Variants in FBXO42 observed in about 807,000 individuals in gnomAD.
FBXO42 encodes F-box protein 42.
Under a neutral mutation model 71.7 loss-of-function variants are expected in FBXO42, and 12 were observed. The ratio of observed to expected loss-of-function variants is 0.17; its 90% CI spans 0.11 to 0.27. The LOEUF is 0.27. FBXO42 is among the 10% of genes least tolerant of loss of function. FBXO42 has a pLI of 1.00. For missense variants in FBXO42, 707 were observed against 911.9 expected (o/e 0.78, Z 2.89); for synonymous variants, 325 against 327.5 (o/e 0.99, Z 0.08).
intron 4 of FBXO42, among the ~76,000 whole-genome samples, chr1:16,280,888 C>T (rs1339807420): frequency 1.3e-5 from 2 of 152,188 alleles, no homozygotes; most frequent in African/African-American, 4.8e-5. Context: ...CCATCACTTA[C>T]TGGCTATGTG....
chr1:16,303,636 C>T (rs1014938191), intron 3 of FBXO42, among the ~76,000 whole-genome samples: 3 of 151,468 alleles, frequency 2.0e-5, no homozygotes, highest in Admixed American at 6.6e-5. Context: ...GGCATGATCT[C>T]GACTCACTGC....
intron 4 of FBXO42, among the ~76,000 whole-genome samples, chr1:16,268,019 C>T (rs2081797081): frequency 6.6e-6 from 1 of 152,068 alleles, no homozygotes; most frequent in Non-Finnish European, 1.5e-5. Context: ...AGTAATAGTT[C>T]CTTGTTACCA....
intron 4 of FBXO42, among the ~76,000 whole-genome samples, chr1:16,287,593 T>C (rs544074943): frequency 2.0e-4 from 31 of 152,154 alleles, no homozygotes; most frequent in Non-Finnish European, 4.3e-4. Flanking sequence ...GAGTCATTTA[T>C]TTTTTATTAT....
intron 4 of FBXO42, among the ~76,000 whole-genome samples, chr1:16,276,051 C>T (rs1569846023): frequency 6.6e-6 from 1 of 151,968 alleles, no homozygotes; most frequent in Non-Finnish European, 1.5e-5. Context: ...CAGCTCTTAC[C>T]CACCTAGGAA....
At chr1:16,278,186 A>T (rs1242237238) in intron 4 of FBXO42, among the ~76,000 whole-genome samples, 1 of 151,678 alleles carries the variant, frequency 6.6e-6, no homozygotes, top group Non-Finnish European at 1.5e-5. Context: ...GAGAAACTCC[A>T]TCTCAACTAA....
At chr1:16,310,417 G>A (rs2082301569) in intron 2 of FBXO42, among the ~76,000 whole-genome samples, 3 of 151,924 alleles carry the variant, frequency 2.0e-5, no homozygotes, top group African/African-American at 4.8e-5. Context: ...TGTAGTGCCA[G>A]CTATTTGGGA....
intron 3 of FBXO42, among the ~76,000 whole-genome samples, chr1:16,297,788 A>T (rs1569879023): frequency 6.7e-6 from 1 of 148,388 alleles, no homozygotes; most frequent in African/African-American, 2.5e-5. Flanking sequence ...ACTGGCATGA[A>T]CCCGGGAGGC....
chr1:16,281,088 G>A lies in FBXO42; in HGVS notation c.502+13695C>T, dbSNP rs188415804. ...AGCAATTCTCCTGCCTCAGCCTCCCGAGTAGCTGGGATTACAGGCATGCAC... is the reference window on the plus strand; with the variant it reads ...AGCAATTCTCCTGCCTCAGCCTCCCAAGTAGCTGGGATTACAGGCATGCAC... On this transcript the variant is annotated intron_variant, in intron 4 of 9. Coordinates refer to ENST00000375592, the MANE Select transcript of FBXO42 (RefSeq NM_018994.3). Among the ~76,000 whole-genome samples, 12 of 152,178 alleles carry A rather than the reference G, an allele frequency of 7.9e-5. No individual in the cohort carries two copies. In the East Asian group the frequency reaches 1.5e-3, roughly 20 times the overall value.
At chr1:16,296,487 T>C (rs905261632) in intron 3 of FBXO42, among the ~76,000 whole-genome samples, 1 of 151,344 alleles carries the variant, frequency 6.6e-6, no homozygotes, top group African/African-American at 2.4e-5. Flanking sequence ...CCGTCTCTAC[T>C]AAAAATAAAA....
chr1:16,306,280 G>A (rs140656799), intron 2 of FBXO42, among the ~76,000 whole-genome samples: 2,564 of 152,246 alleles, frequency 0.017, 34 homozygotes, highest in Non-Finnish European at 0.025. Flanking sequence ...GCCTTCCAAA[G>A]TGCTGAGATT....
chr1:16,285,099 T>G (rs2082008263), intron 4 of FBXO42, among the ~76,000 whole-genome samples: 1 of 151,146 alleles, frequency 6.6e-6, no homozygotes, highest in Non-Finnish European at 1.5e-5. Context: ...TGAGCCGAGA[T>G]CGCACCCCTG....
chr1:16,298,179 T>C (rs1033453569), intron 3 of FBXO42, among the ~76,000 whole-genome samples: 5 of 152,146 alleles, frequency 3.3e-5, no homozygotes, highest in South Asian at 4.2e-4. Context: ...CGAGCTGAGA[T>C]TGCGCCACTG....
intron 4 of FBXO42, among the ~76,000 whole-genome samples, chr1:16,259,512 C>T (rs1344888308): frequency 1.3e-5 from 2 of 151,926 alleles, no homozygotes; most frequent in African/African-American, 4.8e-5. Context: ...ACCTGTAATC[C>T]CAGCACTTTG....
chr1:16,316,225 T>C (rs1366440211), intron 1 of FBXO42, among the ~76,000 whole-genome samples: 4 of 151,924 alleles, frequency 2.6e-5, no homozygotes, highest in South Asian at 2.1e-4. Context: ...TCTAAACTTT[T>C]ATGCAAGACG....
Position 16,250,593 on chromosome 1 carries a change from A to G in FBXO42, c.*77T>C. 6.7e-7 allele frequency: 1 copy of G among 1,500,154 alleles called. No homozygotes were observed. The highest frequency in any genetic ancestry group is 8.9e-7 in the Non-Finnish European group (1 of 1,121,578). The allele number at this position is 1,500,154 out of a possible 1,614,324, so 92.9% of individuals were successfully genotyped here. On this transcript the variant is annotated 3_prime_UTR_variant, in exon 10 of 10. Coordinates refer to ENST00000375592, the MANE Select transcript of FBXO42 (RefSeq NM_018994.3). The surrounding 1 kb of genome is among the most constrained non-coding windows in gnomAD (Gnocchi z 4.7). The stretch of plus-strand genomic sequence containing the variant: ...CTTCTGGGAGTAATTTTGTTTTCCC[A>G]ATTCTCAGTCCAAATGCTTACACAC...
At chr1:16,271,247 G>A (rs1035333836) in intron 4 of FBXO42, among the ~76,000 whole-genome samples, 1 of 140,806 alleles carries the variant, frequency 7.1e-6, no homozygotes, top group African/African-American at 2.7e-5. Flanking sequence ...TACTGTGTGC[G>A]TGTGTGTGTT....
intron 4 of FBXO42, among the ~76,000 whole-genome samples, chr1:16,260,209 C>CTTT (rs35806590): frequency 8.0e-6 from 1 of 125,412 alleles, no homozygotes; most frequent in Non-Finnish European, 1.7e-5. Context: ...TACTATGCAG[C>CTTT]TTTTTTTTTT....
At chr1:16,274,596 T>TG (rs1180852697) in intron 4 of FBXO42, among the ~76,000 whole-genome samples, 1 of 111,522 alleles carries the variant, frequency 9.0e-6, no homozygotes, top group Non-Finnish European at 1.7e-5. Context: ...CCGTTTTTTT[T>TG]TTTTTTTTTT....
intron 3 of FBXO42, 75 bp from the exon 4 acceptor site, chr1:16,294,992 T>G: frequency 6.8e-7 from 1 of 1,467,318 alleles, no homozygotes; most frequent in South Asian, 1.4e-5. Flanking sequence ...AACATATATT[T>G]TTCAAAGCTT....
Sources: allele counts gnomAD v4.1 joint callset (sites outside exome capture counted in the v4.1 genomes callset), GRCh38; gene constraint gnomAD v4.1.1; non-coding constraint Gnocchi (gnomAD v3.1); transcripts MANE v1.5; gene names NCBI Gene and HGNC (gene_info 2026-07-23, HGNC 2026-07-21).